Variants in EPS8L3 observed in about 807,000 individuals in gnomAD.
EPS8L3 encodes epidermal growth factor receptor kinase substrate 8-like protein 3.
A neutral mutation model predicts 88.5 loss-of-function variants in EPS8L3; 80 were observed. That is an observed-to-expected ratio of 0.90 (90% CI 0.75 to 1.09). The LOEUF (loss-of-function observed/expected upper bound fraction) is 1.09, where lower values mean the gene tolerates loss of function less well. Ranked by LOEUF, EPS8L3 falls within the 50% of genes least tolerant of loss-of-function variation. EPS8L3 has a pLI of 0.00. For missense variants in EPS8L3, 721 were observed against 735.2 expected (o/e 0.98, Z 0.22); for synonymous variants, 286 against 291.0 (o/e 0.98, Z 0.18).
At chr1:109,761,933 C>T (rs533971705) in intron 1 of EPS8L3, among the ~76,000 whole-genome samples, 160 bp from the exon 2 acceptor site, 6 of 152,144 alleles carry the variant, frequency 3.9e-5, no homozygotes, top group South Asian at 2.1e-4. Flanking sequence ...CTGCAGCCAG[C>T]GTCCTCCACT....
Position 109,757,580 on chromosome 1 carries a change from C to T in EPS8L3, c.895-25G>A, listed in dbSNP as rs1280408883. On this transcript the variant is annotated intron_variant, in intron 10 of 18. Transcript: ENST00000361965. ...CCTGGGGACACAGAGCAATGCCTGT[C>T]ACCACCCTTCACCCCACCCCATCTT... 4 of 1,589,044 alleles carry T rather than the reference C, an allele frequency of 2.5e-6. No individual in the cohort carries two copies. The African/African-American group carries it at 4.0e-5, about 16-fold the overall frequency.
intron 14 of EPS8L3, 175 bp from the exon 15 acceptor site, chr1:109,752,368 T>C: frequency 1.6e-6 from 1 of 643,340 alleles, no homozygotes; most frequent in South Asian, 2.0e-5. Context: ...GCAGGAGGGG[T>C]CTGAAATGTC....
chr1:109,750,906 A>G, intron 17 of EPS8L3, 114 bp from the exon 18 acceptor site: 1 of 1,261,014 alleles, frequency 7.9e-7, no homozygotes, highest in Non-Finnish European at 1.1e-6. Context: ...AGAAAAATTC[A>G]TGGAGTAGGC....
rs1271570143 is a variant in EPS8L3, at chr1:109,752,018, C to T, written c.1411G>A (p.Val471Met). ...FEARNPRELTVVQGEKLEVLD... is the reference protein window; with the variant it reads ...FEARNPRELTMVQGEKLEVLD... ...ACCTCCAGCTTCTCTCCCTGGACCA[C>T]AGTCAGTTCCCGTGGGTTCCTAGCT... Residue 471 changes from valine to methionine, a missense_variant, in exon 15 of 19, where the codon GTG (valine) becomes ATG (methionine). Transcript: ENST00000361965. 1.2e-6 allele frequency: 2 copies of T among 1,611,210 alleles called. No individual in the cohort carries two copies. Among genetic ancestry groups the T allele is most frequent in the East Asian group, 2.2e-5 (1 of 44,828 alleles).
At chr1:109,755,135 C>T (rs1226462920) in intron 12 of EPS8L3, among the ~76,000 whole-genome samples, 2 of 152,118 alleles carry the variant, frequency 1.3e-5, no homozygotes, top group Non-Finnish European at 2.9e-5. Context: ...CCACATACGA[C>T]AGGACAAATA....
intron 12 of EPS8L3, among the ~76,000 whole-genome samples, chr1:109,756,006 C>T (rs1209940715): frequency 1.3e-5 from 2 of 152,224 alleles, no homozygotes; most frequent in African/African-American, 4.8e-5. Flanking sequence ...TAGAAGTTTG[C>T]CAAGGCCCTT....
At position 109,752,019 on chromosome 1, in the gene EPS8L3, A is replaced by G; in HGVS notation, c.1410T>C (p.Thr470=). 1 of 1,611,454 alleles carries G rather than the reference A, an allele frequency of 6.2e-7. No individual in the cohort carries two copies. The highest frequency in any genetic ancestry group is 8.5e-7 in the Non-Finnish European group (1 of 1,178,380). ...CCTCCAGCTTCTCTCCCTGGACCAC[A>G]GTCAGTTCCCGTGGGTTCCTAGCTT... is the stretch of plus-strand genomic sequence containing the variant. ...EFEARNPREL[T]VVQGEKLEVL... is the part of the protein sequence containing the mutation. The change falls in exon 15 of 19, where the codon ACT becomes ACC. Residue 470 remains threonine (T), a synonymous_variant. Coordinates refer to ENST00000361965, the MANE Select transcript of EPS8L3 (RefSeq NM_133181.4).
chr1:109,750,543 C>G, intron 18 of EPS8L3, 117 bp downstream of exon 18: 3 of 1,580,388 alleles, frequency 1.9e-6, no homozygotes, highest in South Asian at 1.1e-5. Context: ...TGCCCAGCAC[C>G]CGCCACACTC....
At position 109,751,992 on chromosome 1, in the gene EPS8L3, C is replaced by T; in HGVS notation, c.1434+3G>A. 3.7e-6 allele frequency: 6 copies of T among 1,600,064 alleles called. No individual in the cohort carries two copies. The highest frequency in any genetic ancestry group is 5.1e-6 in the Non-Finnish European group (6 of 1,172,352). ...CTTTTCTAGCCTATGGCCCAAGCCT[C>T]ACCTCCAGCTTCTCTCCCTGGACCA... On this transcript the variant is annotated splice_donor_region_variant and intron_variant, in intron 15 of 18. Coordinates refer to ENST00000361965, the MANE Select transcript of EPS8L3 (RefSeq NM_133181.4).
chr1:109,756,143 C>T (rs545901973), intron 12 of EPS8L3, among the ~76,000 whole-genome samples: 5 of 152,346 alleles, frequency 3.3e-5, no homozygotes, highest in African/African-American at 1.2e-4. Context: ...AGCTGCCTGG[C>T]CACCAGGCCT....
chr1:109,757,019 G>T lies in EPS8L3; in HGVS notation c.1116C>A (p.Ser372Arg). The T allele has an allele frequency of 6.2e-7, 1 of 1,614,206 alleles. No individual in the cohort carries two copies. The highest frequency in any genetic ancestry group is 1.1e-5 in the South Asian group (1 of 91,086). The change falls in exon 12 of 19, where the codon AGC becomes AGA. Residue 372 changes from serine to arginine, a missense_variant and splice_region_variant. Transcript: ENST00000361965. ...WMGLGPAWTT[S>R]RADWTGDEPL... Reference sequence around the variant, plus strand: ...GTTCAGGCTTTGTCTTCACTCACCGGCTAGTGGTCCAGGCTGGGCCCAACC... The same window carrying T: ...GTTCAGGCTTTGTCTTCACTCACCGTCTAGTGGTCCAGGCTGGGCCCAACC...
At chr1:109,753,491 G>A (rs1266298699) in intron 12 of EPS8L3, among the ~76,000 whole-genome samples, 2 of 152,180 alleles carry the variant, frequency 1.3e-5, no homozygotes, top group East Asian at 3.8e-4. Flanking sequence ...GCCCTGATTG[G>A]GCATTTGGAT....
intron 12 of EPS8L3, among the ~76,000 whole-genome samples, chr1:109,756,676 A>T (rs1650312109): frequency 2.0e-5 from 3 of 152,162 alleles, no homozygotes. Flanking sequence ...GTAATTCTTA[A>T]ATCTGGGGCT....
At position 109,759,431 on chromosome 1, in the gene EPS8L3, G is replaced by A. The variant is rs1650675854; in HGVS notation, c.256-44C>T. On this transcript the variant is annotated intron_variant, in intron 4 of 18. Coordinates refer to ENST00000361965, the MANE Select transcript of EPS8L3 (RefSeq NM_133181.4). The surrounding 1 kb of genome is among the most constrained non-coding windows in gnomAD (Gnocchi z 4.2). ...TCAACTGTGAGGCCACCAGAGCTAG[G>A]TGTGGCTTCTGGGAGCTCCTGACCA... The A allele has an allele frequency of 2.5e-6, 4 of 1,602,326 alleles. No homozygotes were observed. In the East Asian group the frequency reaches 6.7e-5, roughly 27 times the overall value.
intron 17 of EPS8L3, 103 bp from the exon 18 acceptor site, chr1:109,750,895 C>A: frequency 7.2e-7 from 1 of 1,398,162 alleles, no homozygotes; most frequent in Admixed American, 2.2e-5. Flanking sequence ...GTTGGGGTTA[C>A]AGAAAAATTC....
In EPS8L3 at chr1:109,750,166, A is replaced by C. The variant is rs956228859; in HGVS notation, c.*225T>G. The C allele has an allele frequency of 3.4e-6, 2 of 595,228 alleles. No individual in the cohort carries two copies. Among genetic ancestry groups the C allele is most frequent in the South Asian group, 4.3e-5 (2 of 46,858 alleles). The allele number at this position is 595,228 out of a possible 1,614,324, so 36.9% of individuals were successfully genotyped here. ...GGCATAAATGCTCCAGGTTTGGGAA[A>C]GAGGTAAAATAAATAGGTGGTTACT... On this transcript the variant is annotated 3_prime_UTR_variant, in exon 19 of 19. Transcript: ENST00000361965.
At position 109,758,620 on chromosome 1, in the gene EPS8L3, C is replaced by T. The variant is rs768579569; in HGVS notation, c.505G>A (p.Gly169Arg). 2 of 1,612,044 alleles carry T rather than the reference C, an allele frequency of 1.2e-6. No homozygotes were observed. The highest frequency in any genetic ancestry group is 1.7e-6 in the Non-Finnish European group (2 of 1,178,942). Residue 169 changes from glycine to arginine, a missense_variant, in exon 7 of 19, where the codon GGG (glycine) becomes AGG (arginine). Physicochemically the swap from Gly to Arg is moderately radical, Grantham distance 125. Coordinates refer to ENST00000361965, the MANE Select transcript of EPS8L3 (RefSeq NM_133181.4). ...GLQPGQDRWR[G>R]PAMERPLPME... is the part of the protein sequence containing the mutation. ...GGGAGCGGCCTTTCCATAGCAGGCCCCCTCCATCTGTCCTGGCCTGGCTGA... is the reference window on the plus strand; with the variant it reads ...GGGAGCGGCCTTTCCATAGCAGGCCTCCTCCATCTGTCCTGGCCTGGCTGA...
rs936419013 is a variant in EPS8L3 at position 109,757,569 on chromosome 1, G to A, written c.895-14C>T. On this transcript the variant is annotated splice_polypyrimidine_tract_variant and intron_variant, in intron 10 of 18. Transcript: ENST00000361965. ...GGCCAGCCTTCCCTGGGGACACAGA[G>A]CAATGCCTGTCACCACCCTTCACCC... 1 of 1,609,154 alleles carries A rather than the reference G, an allele frequency of 6.2e-7. No homozygotes were observed. The highest frequency in any genetic ancestry group is 8.5e-7 in the Non-Finnish European group (1 of 1,175,998).
At chr1:109,756,928 A>T (rs2094469) in intron 12 of EPS8L3, 89 bp downstream of exon 12, 17 of 1,540,326 alleles carry the variant, frequency 1.1e-5, no homozygotes, top group Non-Finnish European at 1.4e-5. Context: ...CTGGTTTGTG[A>T]CAACATAGAG....
Sources: allele counts gnomAD v4.1 joint callset (sites outside exome capture counted in the v4.1 genomes callset), GRCh38; gene constraint gnomAD v4.1.1; non-coding constraint Gnocchi (gnomAD v3.1); transcripts MANE v1.5; gene names NCBI Gene and HGNC (gene_info 2026-07-23, HGNC 2026-07-21).